ASTN2: variants seen among roughly 807,000 people sequenced by gnomAD.
ASTN2 encodes the protein astrotactin 2.
In ASTN2, 54 loss-of-function variants were observed where a neutral mutation model predicts 139.8. The ratio of observed to expected loss-of-function variants is 0.39; its 90% confidence interval spans 0.31 to 0.48. ASTN2 has a LOEUF of 0.48. Among genes scored for constraint, ASTN2 ranks in the 20% least tolerant of loss-of-function variants. ASTN2 has a pLI of 0.95. For missense variants in ASTN2, 1,565 were observed against 1,725.1 expected (o/e 0.91, Z 1.64); for synonymous variants, 756 against 719.5 (o/e 1.05, Z -0.81).
chr9:116,747,676 T>C (rs1829281230), intron 13 of ASTN2, among the ~76,000 whole-genome samples: 1 of 150,122 alleles, frequency 6.7e-6, no homozygotes, highest in South Asian at 2.1e-4. Flanking sequence ...CCCTCATTTA[T>C]ACACAGGTGT....
intron 5 of ASTN2, among the ~76,000 whole-genome samples, chr9:117,041,851 C>T (rs1260263960): frequency 1.3e-5 from 2 of 152,094 alleles, no homozygotes; most frequent in Admixed American, 1.3e-4. Flanking sequence ...CACTTGTTTC[C>T]TTGTCACCCC....
At chr9:116,432,138 C>A (rs1847518141) in intron 22 of ASTN2, among the ~76,000 whole-genome samples, 1 of 152,164 alleles carries the variant, frequency 6.6e-6, no homozygotes, top group South Asian at 2.1e-4. Context: ...CACTTCACAA[C>A]AAAATTTGCT....
At chr9:116,793,988 T>A (rs1485530008) in intron 13 of ASTN2, among the ~76,000 whole-genome samples, 1 of 152,092 alleles carries the variant, frequency 6.6e-6, no homozygotes, top group Non-Finnish European at 1.5e-5. Flanking sequence ...TTGGCTTCCC[T>A]GGGCCATGTT....
chr9:117,355,070 A>T (rs771052569), intron 1 of ASTN2, among the ~76,000 whole-genome samples: 3 of 152,132 alleles, frequency 2.0e-5, no homozygotes, highest in Non-Finnish European at 2.9e-5. Context: ...TGAACACCTT[A>T]TTAAAATGAA....
intron 3 of ASTN2, among the ~76,000 whole-genome samples, chr9:117,156,175 GC>G (rs1159655273): frequency 6.6e-6 from 1 of 152,004 alleles, no homozygotes; most frequent in African/African-American, 2.4e-5. Flanking sequence ...TGCACCCCAG[GC>G]TCCACGATGC....
chr9:116,552,567 A>T (rs1852401207), intron 19 of ASTN2, among the ~76,000 whole-genome samples: 1 of 152,168 alleles, frequency 6.6e-6, no homozygotes, highest in African/African-American at 2.4e-5. Flanking sequence ...GAGCTAGTCC[A>T]CACACATTAT....
chr9:116,831,901 G>A (rs10983367), intron 11 of ASTN2, among the ~76,000 whole-genome samples: 30,363 of 152,036 alleles, frequency 0.2, 3,625 homozygotes, highest in Middle Eastern at 0.29. Context: ...TCGTGAATAC[G>A]TATATCTTTC....
intron 1 of ASTN2, among the ~76,000 whole-genome samples, chr9:117,318,772 C>T (rs1828227636): frequency 6.6e-6 from 1 of 152,150 alleles, no homozygotes; most frequent in African/African-American, 2.4e-5. Context: ...CAGTCCCATG[C>T]CTGAGCAATC....
At chr9:117,132,944 G>A (rs1829860420) in intron 4 of ASTN2, among the ~76,000 whole-genome samples, 1 of 152,052 alleles carries the variant, frequency 6.6e-6, no homozygotes, top group African/African-American at 2.4e-5. Context: ...ACAAAAGAAT[G>A]GCAGATATTC....
intron 19 of ASTN2, among the ~76,000 whole-genome samples, chr9:116,493,147 C>T (rs2119108453): frequency 6.6e-6 from 1 of 152,266 alleles, no homozygotes; most frequent in South Asian, 2.1e-4. Context: ...TGCAGCTACT[C>T]AGGGGCAGAA....
chr9:116,753,680 C>T (rs1829459802), intron 13 of ASTN2, among the ~76,000 whole-genome samples: 1 of 152,138 alleles, frequency 6.6e-6, no homozygotes, highest in South Asian at 2.1e-4. Context: ...AAAATAAAAT[C>T]TATTAACTTA....
intron 19 of ASTN2, among the ~76,000 whole-genome samples, chr9:116,519,622 A>T (rs1180822529): frequency 1.3e-5 from 2 of 152,104 alleles, no homozygotes; most frequent in Admixed American, 6.5e-5. Flanking sequence ...GAACAATCCA[A>T]ATCCAAACCC....
chr9:117,142,928 A>T (rs76951968), intron 3 of ASTN2, among the ~76,000 whole-genome samples: 3,688 of 152,228 alleles, frequency 0.024, 71 homozygotes, highest in Non-Finnish European at 0.038. Context: ...TGATGCCAAG[A>T]GATGGGATGT....
intron 13 of ASTN2, among the ~76,000 whole-genome samples, chr9:116,779,090 C>T (rs1830154570): frequency 7.5e-6 from 1 of 133,570 alleles, no homozygotes; most frequent in African/African-American, 2.7e-5. Flanking sequence ...ATTTTCCAAA[C>T]TCAATCAATT....
chr9:116,769,108 G>A (rs1039619592), intron 13 of ASTN2, among the ~76,000 whole-genome samples: 4 of 152,156 alleles, frequency 2.6e-5, no homozygotes, highest in African/African-American at 9.7e-5. Context: ...AAAGTGTGTG[G>A]GGAGAGAAGA....
At chr9:116,664,950 C>T (rs1201202915) in intron 16 of ASTN2, among the ~76,000 whole-genome samples, 1 of 152,102 alleles carries the variant, frequency 6.6e-6, no homozygotes, top group Non-Finnish European at 1.5e-5. Context: ...GGGTCATGGG[C>T]ATGGATCCCT....
intron 19 of ASTN2, among the ~76,000 whole-genome samples, chr9:116,535,607 C>A (rs1319630984): frequency 6.6e-6 from 1 of 152,084 alleles, no homozygotes; most frequent in Non-Finnish European, 1.5e-5. Flanking sequence ...ATCTCTCCTT[C>A]ATTTATGAAG....
intron 10 of ASTN2, among the ~76,000 whole-genome samples, chr9:116,925,066 A>C (rs1834716510): frequency 6.6e-6 from 1 of 152,206 alleles, no homozygotes; most frequent in South Asian, 2.1e-4. Flanking sequence ...GGGAAAAATG[A>C]GGTCCAGAGA....
At chr9:116,738,191 C>CAAA (rs35053036) in intron 13 of ASTN2, among the ~76,000 whole-genome samples, 1 of 116,164 alleles carries the variant, frequency 8.6e-6, no homozygotes, top group East Asian at 2.6e-4. Flanking sequence ...GACTCCGTCT[C>CAAA]AAAAAAAAAA....
Sources: allele counts gnomAD v4.1 joint callset (sites outside exome capture counted in the v4.1 genomes callset), GRCh38; gene constraint gnomAD v4.1.1; transcripts MANE v1.5; gene names NCBI Gene and HGNC (gene_info 2026-07-23, HGNC 2026-07-21).